Variants in ERBIN observed in about 807,000 individuals in gnomAD.
ERBIN encodes erbb2 interacting protein, also known as densin-180-like protein.
ERBIN carries 60 observed loss-of-function variants against 158.4 expected under a neutral mutation model. The ratio of observed to expected loss-of-function variants is 0.38; its 90% CI spans 0.31 to 0.47. The LOEUF is 0.47. Ranked by LOEUF, ERBIN falls within the 20% of genes least tolerant of loss-of-function variation. The pLI is 0.99. For synonymous variants in ERBIN, 594 were observed against 557.2 expected, an observed-to-expected ratio of 1.07 and a Z score of -0.93; for missense variants, 1,610 against 1,648.0, an observed-to-expected ratio of 0.98 and a Z score of 0.40.
chr5:66,056,363 A>T (rs919074290), intron 21 of ERBIN, among the ~76,000 whole-genome samples: 6 of 152,164 alleles, frequency 3.9e-5, no homozygotes, highest in African/African-American at 1.4e-4. Flanking sequence ...GTCTTTGGCT[A>T]TTAGTGGACA....
At chr5:66,022,024 T>TAC (rs1411384382) in intron 8 of ERBIN, among the ~76,000 whole-genome samples, 1 of 152,074 alleles carries the variant, frequency 6.6e-6, no homozygotes, top group Non-Finnish European at 1.5e-5. Context: ...ATTAAACTTT[T>TAC]AAATTAGTTT....
At chr5:65,935,119 C>A (rs995370768) in intron 1 of ERBIN, among the ~76,000 whole-genome samples, 11 of 152,092 alleles carry the variant, frequency 7.2e-5, no homozygotes, top group African/African-American at 2.7e-4. Context: ...TGTACTTACA[C>A]ATATTTACAT....
chr5:66,079,481 G>T lies in ERBIN; in HGVS notation c.*951G>T, dbSNP rs186236948. On this transcript the variant is annotated 3_prime_UTR_variant, in exon 26 of 26. Coordinates refer to ENST00000284037, the MANE Select transcript of ERBIN (RefSeq NM_001253697.2). ...TTAAGCAGCAAATGAAACAAAAATG[G>T]CCAGTTTTAAGATTGTGTTGCCTGT... 1.1e-4 allele frequency: 17 copies of T among 152,350 alleles called. No homozygotes were observed. The highest frequency in any genetic ancestry group is 3.9e-4 in the African/African-American group (16 of 41,432). 9.4% of individuals were successfully genotyped at this position (152,350 alleles called of 1,614,324 possible). A position where few individuals can be genotyped will look rare whatever the true frequency, so the allele number is the denominator to read the frequency against.
chr5:65,936,235 G>T (rs1018165710), intron 1 of ERBIN, among the ~76,000 whole-genome samples: 1 of 152,066 alleles, frequency 6.6e-6, no homozygotes, highest in Non-Finnish European at 1.5e-5. Flanking sequence ...AATGAATCTT[G>T]TTGCCAAGGT....
chr5:65,941,856 C>T (rs1388612789), intron 1 of ERBIN, among the ~76,000 whole-genome samples: 2 of 151,970 alleles, frequency 1.3e-5, no homozygotes, highest in Non-Finnish European at 2.9e-5. Context: ...TTCTCCTGCC[C>T]CAGCCTCCTG....
intron 1 of ERBIN, among the ~76,000 whole-genome samples, chr5:65,945,806 A>G (rs1427494618): frequency 1.3e-5 from 2 of 152,180 alleles, no homozygotes; most frequent in African/African-American, 4.8e-5. Context: ...TGAGATAACT[A>G]TAGATTCCCA....
chr5:66,061,203 G>T (rs1222707853), intron 21 of ERBIN, among the ~76,000 whole-genome samples: 1 of 152,254 alleles, frequency 6.6e-6, no homozygotes, highest in East Asian at 1.9e-4. Flanking sequence ...GGTCCCTAAG[G>T]ACTTGCTTTA....
At chr5:65,934,555 A>G (rs1197756198) in intron 1 of ERBIN, among the ~76,000 whole-genome samples, 1 of 152,148 alleles carries the variant, frequency 6.6e-6, no homozygotes, top group Non-Finnish European at 1.5e-5. Context: ...TTTTATGATT[A>G]GATCTTTGGC....
chr5:65,989,693 G>A (rs1751662873), intron 2 of ERBIN, among the ~76,000 whole-genome samples: 1 of 152,086 alleles, frequency 6.6e-6, no homozygotes, highest in Admixed American at 6.5e-5. Context: ...TATATGTTTG[G>A]ACCCAGTATG....
At chr5:66,063,034 G>A (rs1760591037) in intron 21 of ERBIN, among the ~76,000 whole-genome samples, 1 of 152,210 alleles carries the variant, frequency 6.6e-6, no homozygotes, top group African/African-American at 2.4e-5. Context: ...ATCTCAAGCT[G>A]CGTGCTGGGA....
At chr5:66,072,346 C>T (rs1396654547) in intron 22 of ERBIN, 55 bp downstream of exon 22, 2 of 1,534,464 alleles carry the variant, frequency 1.3e-6, no homozygotes, top group Non-Finnish European at 1.8e-6. Flanking sequence ...TATTTTGCAG[C>T]TTTTGGACTA....
chr5:65,935,329 C>T (rs1743945101), intron 1 of ERBIN, among the ~76,000 whole-genome samples: 1 of 152,130 alleles, frequency 6.6e-6, no homozygotes, highest in African/African-American at 2.4e-5. Flanking sequence ...TCTAATCCAG[C>T]ACCACCAGGT....
chr5:65,946,781 TTG>T (rs1745809829), intron 1 of ERBIN, among the ~76,000 whole-genome samples: 1 of 150,390 alleles, frequency 6.6e-6, no homozygotes, highest in East Asian at 1.9e-4. Flanking sequence ...CAGCAATTGG[TTG>T]TTACTTTTTT....
intron 21 of ERBIN, among the ~76,000 whole-genome samples, chr5:66,071,541 A>AT (rs1307106568): frequency 6.6e-6 from 1 of 152,172 alleles, no homozygotes; most frequent in Admixed American, 6.5e-5. Context: ...TTCTGAAACT[A>AT]TTGAACTCAT....
At chr5:65,961,980 C>CA (rs1747978588) in intron 1 of ERBIN, among the ~76,000 whole-genome samples, 1 of 152,060 alleles carries the variant, frequency 6.6e-6, no homozygotes, top group South Asian at 2.1e-4. Context: ...GTTGTAAAAC[C>CA]AAGTAAGGTT....
intron 1 of ERBIN, among the ~76,000 whole-genome samples, chr5:65,973,172 A>G (rs1455720521): frequency 1.3e-5 from 2 of 150,830 alleles, no homozygotes; most frequent in Non-Finnish European, 2.9e-5. Flanking sequence ...AAAAAACCAA[A>G]CACCACATGT....
chr5:66,008,831 A>T (rs890599723), intron 4 of ERBIN, among the ~76,000 whole-genome samples: 1 of 152,220 alleles, frequency 6.6e-6, no homozygotes, highest in African/African-American at 2.4e-5. Context: ...ACTTCTTAAA[A>T]AGTATTAAGA....
chr5:66,035,895 A>C, intron 14 of ERBIN, among the ~76,000 whole-genome samples: 1 of 152,068 alleles, frequency 6.6e-6, no homozygotes. Flanking sequence ...GGAGTTTGAG[A>C]CCTGCCTGGG....
chr5:65,995,363 C>T (rs1042238779), intron 4 of ERBIN, among the ~76,000 whole-genome samples: 4 of 110,856 alleles, frequency 3.6e-5, no homozygotes, highest in African/African-American at 1.4e-4. Flanking sequence ...TGTAAGTGAG[C>T]TTATGTGGTA....
Sources: gnomAD v4.1 joint callset for allele counts (sites outside exome capture counted in the v4.1 genomes callset) on GRCh38, gnomAD v4.1.1 for gene constraint, MANE v1.5 for transcripts, NCBI Gene and HGNC (gene_info 2026-07-23, HGNC 2026-07-21) for gene names.